The following SCAI variants were observed in gnomAD, a reference collection of about 807,000 sequenced individuals.
SCAI encodes the protein protein SCAI.
SCAI carries 24 observed loss-of-function variants against 92.2 expected under a neutral mutation model. The ratio of observed to expected loss-of-function variants is 0.26; its 90% confidence interval spans 0.19 to 0.37. The LOEUF (loss-of-function observed/expected upper bound fraction) is 0.37. Ranked by LOEUF, SCAI falls within the 10% of genes least tolerant of loss-of-function variation. The probability of loss-of-function intolerance (pLI) is 1.00; values close to 1 mark genes in which losing one functional copy is unlikely to be tolerated. For synonymous variants in SCAI, 261 were observed against 258.6 expected, an observed-to-expected ratio of 1.01 and a Z score of -0.09; for missense variants, 450 against 736.2, an observed-to-expected ratio of 0.61 and a Z score of 4.50.
chr9:124,984,020 AAAAG>A (rs778031008), intron 14 of SCAI, among the ~76,000 whole-genome samples: 5 of 152,364 alleles, frequency 3.3e-5, no homozygotes, highest in Admixed American at 6.5e-5. Context: ...ATTATTAAGA[AAAAG>A]AAAGGTGGAT....
chr9:125,122,519 G>A (rs1835174252), intron 2 of SCAI, among the ~76,000 whole-genome samples: 1 of 146,540 alleles, frequency 6.8e-6, no homozygotes, highest in Admixed American at 7.1e-5. Flanking sequence ...AACCCAGGAG[G>A]CAGAGGTTGC....
chr9:125,017,409 A>G (rs376656643), intron 9 of SCAI, among the ~76,000 whole-genome samples: 41 of 152,216 alleles, frequency 2.7e-4, no homozygotes, highest in African/African-American at 8.9e-4. Context: ...CAAACCATAA[A>G]TGTTTCAAAA....
intron 14 of SCAI, 71 bp downstream of exon 14, chr9:124,994,863 C>G: frequency 1.2e-6 from 1 of 853,356 alleles, no homozygotes; most frequent in Admixed American, 2.5e-5. Context: ...TAAAAAGGCA[C>G]ACATTAAGAG....
chr9:124,948,628 G>A lies in SCAI; in HGVS notation c.*4179C>T, dbSNP rs544534073. 2 of 152,154 alleles carry A rather than the reference G, an allele frequency of 1.3e-5. No homozygotes were observed. Among genetic ancestry groups the A allele is most frequent in the African/African-American group, 4.8e-5 (2 of 41,430 alleles). 9.4% of individuals were successfully genotyped at this position (152,154 alleles called of 1,614,324 possible). On this transcript the variant is annotated 3_prime_UTR_variant, in exon 18 of 18. Coordinates refer to ENST00000336505, the MANE Select transcript of SCAI (RefSeq NM_001144877.3). ...TCAGCTTTCTCTTCTGTAAAATAGA[G>A]AAGATAGTTGCTTTACCAACTTCAG...
chr9:125,002,346 A>G (rs533395165), intron 11 of SCAI, among the ~76,000 whole-genome samples: 3 of 152,320 alleles, frequency 2.0e-5, no homozygotes, highest in Non-Finnish European at 4.4e-5. Context: ...GCTACAAGAC[A>G]AAGTCCCTTC....
In SCAI at chr9:124,946,032, T is replaced by C. The variant is rs1831140008; in HGVS notation, c.*6775A>G. 1 of 152,182 alleles carries C rather than the reference T, an allele frequency of 6.6e-6. No homozygotes were observed. The allele number at this position is 152,182 out of a possible 1,614,324, so 9.4% of individuals were successfully genotyped here. ...GTTATTGGCTTTACAACGGTTGGGG[T>C]CAGAGGTCACATTCACAATGTCAAG... On this transcript the variant is annotated 3_prime_UTR_variant, in exon 18 of 18. Transcript: ENST00000336505. This position sits in a 1 kb window ranked among gnomAD's most constrained non-coding sequence, Gnocchi z 4.0.
intron 9 of SCAI, among the ~76,000 whole-genome samples, chr9:125,013,296 G>A (rs947108766): frequency 3.3e-5 from 5 of 151,986 alleles, no homozygotes; most frequent in Admixed American, 3.3e-4. Context: ...GACTAATAAA[G>A]AAGAAAAGAG....
chr9:125,004,351 CAG>C (rs1832429476), intron 9 of SCAI, among the ~76,000 whole-genome samples: 1 of 140,988 alleles, frequency 7.1e-6, no homozygotes, highest in Non-Finnish European at 1.5e-5. Context: ...TTTTTTGAGA[CAG>C]AGTCTTGCTC....
rs1469417747 is a variant in SCAI at position 124,952,062 on chromosome 9, A to C, written c.*745T>G. On this transcript the variant is annotated 3_prime_UTR_variant, in exon 18 of 18. Coordinates refer to ENST00000336505, the MANE Select transcript of SCAI (RefSeq NM_001144877.3). ...TTCCTATTGGAGACATTGTATTATG[A>C]AACCAATGACATGGTTTTTTGACTA... 2 of 152,208 alleles carry C rather than the reference A, an allele frequency of 1.3e-5. No individual in the cohort carries two copies. Among genetic ancestry groups the C allele is most frequent in the African/African-American group, 4.8e-5 (2 of 41,458 alleles). 9.4% of individuals were successfully genotyped at this position (152,208 alleles called of 1,614,324 possible). A position where few individuals can be genotyped will look rare whatever the true frequency, so the allele number is the denominator to read the frequency against.
intron 3 of SCAI, among the ~76,000 whole-genome samples, chr9:125,039,947 G>A (rs190216472): frequency 5.3e-5 from 8 of 152,146 alleles, no homozygotes; most frequent in African/African-American, 1.2e-4. Flanking sequence ...TTTCAATTAT[G>A]AAAATAATAA....
At chr9:125,031,949 T>A (rs940107699) in intron 3 of SCAI, among the ~76,000 whole-genome samples, 1 of 151,968 alleles carries the variant, frequency 6.6e-6, no homozygotes, top group Admixed American at 6.6e-5. Context: ...ATAAAATACA[T>A]GTTCTTGTTT....
Position 124,971,431 on chromosome 9 carries a change from C to T in SCAI, c.1613G>A (p.Arg538His). 2 of 1,612,630 alleles carry T rather than the reference C, an allele frequency of 1.2e-6. No homozygotes were observed. The highest frequency in any genetic ancestry group is 1.1e-5 in the South Asian group (1 of 90,634). The part of the protein sequence containing the change: ...FLQFFGDEFL[R>H]LLLTRFIFCS... ...AAAGATAAATCTTGTGAGGAGCAAG[C>T]GAAGAAATTCATCTCCAAAAAACTG... The change falls in exon 17 of 18, where the codon CGC becomes CAC. Residue 538 changes from arginine (R) to histidine (H), a missense_variant. By Grantham distance (29) the Arg-to-His change is conservative. Coordinates refer to ENST00000336505, the MANE Select transcript of SCAI (RefSeq NM_001144877.3).
At chr9:124,972,441 AAAAATGTGACTAGATGAGT>A (rs1214341693) in intron 15 of SCAI, among the ~76,000 whole-genome samples, 3 of 152,308 alleles carry the variant, frequency 2.0e-5, no homozygotes, top group South Asian at 4.1e-4. Context: ...ACTGGACACT[AAAAATGTGACTAGATGAGT>A]AAAATGTGAC....
At chr9:125,064,527 A>C (rs1833839278) in intron 2 of SCAI, among the ~76,000 whole-genome samples, 1 of 152,310 alleles carries the variant, frequency 6.6e-6, no homozygotes, top group African/African-American at 2.4e-5. Context: ...CAAGTAAGTG[A>C]GAAATCAATA....
At chr9:125,071,723 G>T (rs891813372) in intron 2 of SCAI, among the ~76,000 whole-genome samples, 1 of 151,968 alleles carries the variant, frequency 6.6e-6, no homozygotes, top group Non-Finnish European at 1.5e-5. Flanking sequence ...GTACTGCAGT[G>T]AAAGGGAAAA....
At position 125,001,990 on chromosome 9, in the gene SCAI, G is replaced by A; in HGVS notation, c.1119C>T (p.Phe373=). Residue 373 remains phenylalanine, a synonymous_variant, in exon 12 of 18, where the codon TTC becomes TTT. Transcript: ENST00000336505. ...CTTCACTATCAGAACGACCTGTGGG[G>A]AAAACGCCAGTGGCCGACAGGTAAA... ...LLIYLSATGV[F]PTGRSDSEGP... is the part of the protein sequence containing the mutation. 6.2e-7 allele frequency: 1 copy of A among 1,613,558 alleles called. No individual in the cohort carries two copies. The highest frequency in any genetic ancestry group is 8.5e-7 in the Non-Finnish European group (1 of 1,179,490).
chr9:124,984,687 C>T (rs1032814773), intron 14 of SCAI, among the ~76,000 whole-genome samples: 1 of 152,100 alleles, frequency 6.6e-6, no homozygotes, highest in Admixed American at 6.6e-5. Flanking sequence ...AGGAATTCCG[C>T]CTTGGGCATG....
chr9:125,106,644 A>G (rs1834806844), intron 2 of SCAI, among the ~76,000 whole-genome samples: 1 of 152,056 alleles, frequency 6.6e-6, no homozygotes, highest in Non-Finnish European at 1.5e-5. Context: ...AGGAGGATTC[A>G]AGTTACAATC....
At chr9:125,123,238 C>T (rs1835195469) in intron 2 of SCAI, among the ~76,000 whole-genome samples, 2 of 147,224 alleles carry the variant, frequency 1.4e-5, no homozygotes, top group South Asian at 4.2e-4. Flanking sequence ...TGGCACGTGC[C>T]TGTAGTCCCA....
Sources: gnomAD v4.1 joint callset for allele counts (sites outside exome capture counted in the v4.1 genomes callset) on GRCh38, gnomAD v4.1.1 for gene constraint, Gnocchi (gnomAD v3.1) non-coding constraint, MANE v1.5 for transcripts, NCBI Gene and HGNC (gene_info 2026-07-23, HGNC 2026-07-21) for gene names.